The following ROBO1 variants were observed in gnomAD, a reference collection of about 807,000 sequenced individuals.
The protein encoded by ROBO1 is roundabout guidance receptor 1, also known as roundabout homolog 1.
ROBO1 carries 149 observed loss-of-function variants against 195.9 expected under a neutral mutation model. The ratio of observed to expected loss-of-function variants is 0.76; its 90% confidence interval spans 0.67 to 0.87. The LOEUF (loss-of-function observed/expected upper bound fraction) is 0.87. Ranked by LOEUF, ROBO1 falls within the 40% of genes least tolerant of loss-of-function variation. The probability of loss-of-function intolerance (pLI) is 0.00; values close to 1 mark genes in which losing one functional copy is unlikely to be tolerated. For missense variants in ROBO1, 1,933 were observed against 2,068.3 expected (o/e 0.93, Z 1.27); for synonymous variants, 816 against 733.2 (o/e 1.11, Z -1.82).
intron 2 of ROBO1, among the ~76,000 whole-genome samples, chr3:79,183,377 G>A (rs898818998): frequency 1.3e-5 from 2 of 152,106 alleles, no homozygotes; most frequent in Admixed American, 6.5e-5. Flanking sequence ...CAAGTTGAGG[G>A]CAAGTTTATC....
chr3:78,670,359 TC>T, intron 10 of ROBO1, 58 bp from the exon 11 acceptor site: 1 of 1,418,186 alleles, frequency 7.1e-7, no homozygotes, highest in South Asian at 1.2e-5. Context: ...TTTCTAATCA[TC>T]CAAGCAACAG....
At chr3:78,830,533 C>T (rs563914951) in intron 4 of ROBO1, among the ~76,000 whole-genome samples, 1 of 152,300 alleles carries the variant, frequency 6.6e-6, no homozygotes, top group Admixed American at 6.5e-5. Context: ...ACACATCCTT[C>T]TTCACATGGC....
At chr3:79,119,421 T>C (rs950295320) in intron 3 of ROBO1, among the ~76,000 whole-genome samples, 2 of 152,188 alleles carry the variant, frequency 1.3e-5, no homozygotes, top group African/African-American at 2.4e-5. Context: ...GTATGAGACA[T>C]GAATTTAACC....
intron 1 of ROBO1, among the ~76,000 whole-genome samples, chr3:79,729,700 T>C (rs1703067650): frequency 6.6e-6 from 1 of 152,172 alleles, no homozygotes; most frequent in African/African-American, 2.4e-5. Context: ...TTTTATTATA[T>C]GAGGGAAGGA....
At chr3:78,893,949 T>G (rs1435254456) in intron 4 of ROBO1, among the ~76,000 whole-genome samples, 1 of 152,176 alleles carries the variant, frequency 6.6e-6, no homozygotes, top group Non-Finnish European at 1.5e-5. Context: ...AGCTTCCCTA[T>G]TCATAAAATG....
intron 1 of ROBO1, among the ~76,000 whole-genome samples, chr3:79,712,274 A>G (rs566910326): frequency 1.3e-5 from 2 of 152,280 alleles, no homozygotes; most frequent in African/African-American, 4.8e-5. Flanking sequence ...GAATACAAAC[A>G]GAAATTCTTA....
chr3:79,592,799 A>G (rs1282145559), intron 1 of ROBO1, among the ~76,000 whole-genome samples: 2 of 152,062 alleles, frequency 1.3e-5, no homozygotes, highest in African/African-American at 4.8e-5. Context: ...TGTGCATTTT[A>G]TGGGTTTGAA....
At chr3:79,077,319 A>C (rs1237714238) in intron 3 of ROBO1, among the ~76,000 whole-genome samples, 1 of 151,890 alleles carries the variant, frequency 6.6e-6, no homozygotes, top group Non-Finnish European at 1.5e-5. Flanking sequence ...AAAAATTGTC[A>C]AAATAAAATT....
At chr3:79,734,421 G>T (rs950664296) in intron 1 of ROBO1, among the ~76,000 whole-genome samples, 1 of 152,146 alleles carries the variant, frequency 6.6e-6, no homozygotes, top group Non-Finnish European at 1.5e-5. Flanking sequence ...TACTTTATTT[G>T]TGTTGTATTT....
chr3:79,657,833 G>GT (rs1289946421), intron 1 of ROBO1, among the ~76,000 whole-genome samples: 17 of 152,032 alleles, frequency 1.1e-4, no homozygotes, highest in Admixed American at 9.2e-4. Flanking sequence ...TTGAAACCCG[G>GT]TTTGAAGCTT....
chr3:78,683,197 TGCAAAGCCTTTA>T (rs1385542158), intron 10 of ROBO1, among the ~76,000 whole-genome samples: 1 of 151,990 alleles, frequency 6.6e-6, no homozygotes, highest in Non-Finnish European at 1.5e-5. Context: ...CCAAAATATG[TGCAAAGCCTTTA>T]GTCTTGAAAC....
intron 4 of ROBO1, among the ~76,000 whole-genome samples, chr3:78,755,370 A>C (rs529483237): frequency 1.3e-5 from 2 of 152,250 alleles, no homozygotes; most frequent in Admixed American, 1.3e-4. Context: ...GCTAGTGGGG[A>C]GACTGAGGTA....
chr3:79,244,243 C>T (rs1021437127), intron 2 of ROBO1, among the ~76,000 whole-genome samples: 2 of 152,082 alleles, frequency 1.3e-5, no homozygotes, highest in Non-Finnish European at 2.9e-5. Context: ...GGTTAGCTCT[C>T]TCCTCCCCCT....
At chr3:79,098,995 C>A (rs2079623855) in intron 3 of ROBO1, among the ~76,000 whole-genome samples, 1 of 151,212 alleles carries the variant, frequency 6.6e-6, no homozygotes, top group Admixed American at 6.6e-5. Flanking sequence ...ATTATGCAAC[C>A]CAGGAAAAGA....
intron 3 of ROBO1, among the ~76,000 whole-genome samples, chr3:79,014,161 A>C (rs1389759084): frequency 2.0e-5 from 3 of 152,190 alleles, no homozygotes; most frequent in Non-Finnish European, 4.4e-5. Context: ...ATACACTGAC[A>C]TCATATTTTC....
At chr3:78,750,951 C>A (rs2082778550) in intron 4 of ROBO1, among the ~76,000 whole-genome samples, 2 of 152,130 alleles carry the variant, frequency 1.3e-5, no homozygotes, top group South Asian at 4.1e-4. Context: ...TGTTGTTTTG[C>A]TTGTTTACCA....
At chr3:79,627,423 G>A (rs1016220819) in intron 1 of ROBO1, among the ~76,000 whole-genome samples, 1 of 152,138 alleles carries the variant, frequency 6.6e-6, no homozygotes, top group Admixed American at 6.5e-5. Context: ...TTCAGTAAAT[G>A]GTGCTGGGAA....
At chr3:79,306,892 G>T (rs1432211342) in intron 2 of ROBO1, among the ~76,000 whole-genome samples, 1 of 152,152 alleles carries the variant, frequency 6.6e-6, no homozygotes, top group Non-Finnish European at 1.5e-5. Flanking sequence ...ACATTTGGGG[G>T]ACAGATAGCT....
intron 2 of ROBO1, among the ~76,000 whole-genome samples, chr3:79,262,469 C>T (rs553744980): frequency 6.6e-6 from 1 of 152,112 alleles, no homozygotes; most frequent in East Asian, 1.9e-4. Context: ...AGAAAAGAAA[C>T]TTTTGTTGTT....
Sources: gnomAD v4.1 joint callset for allele counts (sites outside exome capture counted in the v4.1 genomes callset) on GRCh38, gnomAD v4.1.1 for gene constraint, MANE v1.5 for transcripts, NCBI Gene and HGNC (gene_info 2026-07-23, HGNC 2026-07-21) for gene names.